The following ARHGAP39 variants were observed in gnomAD, a reference collection of about 807,000 sequenced individuals.
The protein encoded by ARHGAP39 is Rho GTPase activating protein 39, also known as rho GTPase-activating protein 39.
Under a neutral mutation model 106.9 loss-of-function variants are expected in ARHGAP39, and 44 were observed. That is an observed-to-expected ratio of 0.41 (90% CI 0.32 to 0.53). ARHGAP39 has a LOEUF of 0.53. Among genes scored for constraint, ARHGAP39 ranks in the 20% least tolerant of loss-of-function variants. The pLI is 0.21. For synonymous variants in ARHGAP39, 768 were observed against 693.2 expected (o/e 1.11, Z -1.69); for missense variants, 1,496 against 1,577.3 (o/e 0.95, Z 0.87).
chr8:144,695,028 T>C, the ARHGAP39 span, among the ~76,000 whole-genome samples: 1 of 151,276 alleles, frequency 6.6e-6, no homozygotes, highest in East Asian at 2.0e-4. Context: ...TTCATGTTTA[T>C]TGGCCATTTG....
intron 9 of ARHGAP39, among the ~76,000 whole-genome samples, chr8:144,532,639 C>T (rs111825321): frequency 0.028 from 4,209 of 152,252 alleles, 189 homozygotes; most frequent in African/African-American, 0.097. Flanking sequence ...CTCCCTGGAC[C>T]CCTGCTGGCT....
At chr8:144,700,017 G>A in the ARHGAP39 span, among the ~76,000 whole-genome samples, 2 of 152,174 alleles carry the variant, frequency 1.3e-5, no homozygotes, top group Non-Finnish European at 2.9e-5. The surrounding 1 kb of genome is among the most constrained non-coding windows in gnomAD (Gnocchi z 5.6). Context: ...TGCCAGTGGT[G>A]CAAACAGTCG....
chr8:144,603,052 TGA>T (rs1311156108), intron 2 of ARHGAP39, among the ~76,000 whole-genome samples: 2 of 129,732 alleles, frequency 1.5e-5, no homozygotes, highest in African/African-American at 5.9e-5. Flanking sequence ...GGCGTGTGTG[TGA>T]GCTCGTGTAC....
intron 1 of ARHGAP39, among the ~76,000 whole-genome samples, chr8:144,620,466 C>T (rs933281538): frequency 2.4e-5 from 3 of 122,704 alleles, no homozygotes; most frequent in Non-Finnish European, 1.7e-5. Flanking sequence ...TCCAAGGGAG[C>T]GTGTGTGCCC....
chr8:144,571,391 G>A (rs538673317), intron 3 of ARHGAP39, among the ~76,000 whole-genome samples: 14 of 152,094 alleles, frequency 9.2e-5, no homozygotes, highest in African/African-American at 3.1e-4. Flanking sequence ...TAAAAACCAC[G>A]ATTATCTCAA....
In ARHGAP39 at chr8:144,631,707, C is replaced by A. The variant is rs535679256; in HGVS notation, c.-81-26012G>T. On this transcript the variant is annotated intron_variant, in intron 1 of 11. Coordinates refer to ENST00000377307, the MANE Select transcript of ARHGAP39 (RefSeq NM_025251.3). ...CTGGGTCTCCCTTGGCAGTTGGATCCCCCAAAGAAACCTGTGCAGAGGGAA... is the reference window on the plus strand; with the variant it reads ...CTGGGTCTCCCTTGGCAGTTGGATCACCCAAAGAAACCTGTGCAGAGGGAA... Among the ~76,000 whole-genome samples, 4 of 152,330 alleles carry A rather than the reference C, an allele frequency of 2.6e-5. No individual in the cohort carries two copies. In the East Asian group the frequency reaches 7.7e-4, roughly 29 times the overall value.
rs747200032 is a variant in ARHGAP39, at chr8:144,605,682, G to A, written c.-68C>T. On this transcript the variant is annotated 5_prime_UTR_variant, in exon 2 of 12. Transcript: ENST00000377307. ...CATACGCACAACGCCAGCATCAGAC[G>A]GGAAGGTGCCGCACTGCAAGAGGGG... 1.3e-5 allele frequency: 19 copies of A among 1,519,638 alleles called. No homozygotes were observed. The highest frequency in any genetic ancestry group is 1.6e-5 in the Non-Finnish European group (18 of 1,103,394). The allele number at this position is 1,519,638 out of a possible 1,614,324, so 94.1% of individuals were successfully genotyped here.
At chr8:144,695,550 C>G in the ARHGAP39 span, among the ~76,000 whole-genome samples, 3 of 152,044 alleles carry the variant, frequency 2.0e-5, no homozygotes, top group African/African-American at 4.8e-5. Context: ...AAACGCCACA[C>G]TTTGAGACGA....
Position 144,561,959 on chromosome 8 carries a change from C to T in ARHGAP39, c.513-6316G>A, listed in dbSNP as rs200981576. 1.1e-4 allele frequency among the ~76,000 whole-genome samples: 16 copies of T among 151,274 alleles called. No homozygotes were observed. The East Asian group carries it at 1.2e-3, about 11-fold the overall frequency. On this transcript the variant is annotated intron_variant, in intron 3 of 11. Coordinates refer to ENST00000377307, the MANE Select transcript of ARHGAP39 (RefSeq NM_025251.3). ...TCCATCACACTCCAGTGGTTTCCAT[C>T]GGACTCCAGTGGTTTCCATCGGACC...
At chr8:144,654,828 G>A (rs1163848595) in intron 1 of ARHGAP39, among the ~76,000 whole-genome samples, 1 of 151,946 alleles carries the variant, frequency 6.6e-6, no homozygotes, top group Non-Finnish European at 1.5e-5. Flanking sequence ...GTTCTTGGGT[G>A]GCTGGGAGCA....
chr8:144,628,729 C>T (rs947967923), intron 1 of ARHGAP39, among the ~76,000 whole-genome samples: 4 of 152,216 alleles, frequency 2.6e-5, no homozygotes, highest in African/African-American at 9.6e-5. Context: ...GGCCAAAGAA[C>T]TACCCCAGGC....
chr8:144,582,097 C>T (rs377392027), intron 2 of ARHGAP39, among the ~76,000 whole-genome samples: 5 of 152,170 alleles, frequency 3.3e-5, no homozygotes, highest in African/African-American at 1.2e-4. Context: ...TGAGGGGTCT[C>T]GTTTCCAGGG....
intron 2 of ARHGAP39, among the ~76,000 whole-genome samples, chr8:144,597,018 T>C (rs1180211243): frequency 6.6e-6 from 1 of 152,144 alleles, no homozygotes; most frequent in Admixed American, 6.5e-5. Context: ...AGGCCATGGC[T>C]TCTCACACCA....
At chr8:144,662,619 G>C (rs1351030346) in intron 1 of ARHGAP39, among the ~76,000 whole-genome samples, 1 of 145,190 alleles carries the variant, frequency 6.9e-6, no homozygotes, top group African/African-American at 2.6e-5. Context: ...ATCCACCTTG[G>C]GCCGCTCCCC....
Position 144,587,231 on chromosome 8 carries a change from G to A in ARHGAP39, c.81-5954C>T, listed in dbSNP as rs557194672. On this transcript the variant is annotated intron_variant, in intron 2 of 11. Transcript: ENST00000377307. ...GCCTTTAGTTGCAGCATGAGAACAG[G>A]CTAATACAGGCATCAAATAAGAAGT... Among the ~76,000 whole-genome samples the A allele has an allele frequency of 5.3e-5, 8 of 152,298 alleles. No individual in the cohort carries two copies. In the East Asian group the frequency reaches 5.8e-4, roughly 11 times the overall value.
intron 2 of ARHGAP39, among the ~76,000 whole-genome samples, chr8:144,602,745 CGT>C (rs561214710): frequency 8.9e-4 from 101 of 113,378 alleles, no homozygotes; most frequent in Middle Eastern, 7.8e-3. Flanking sequence ...TGCATGGAGG[CGT>C]GTGTGTGAGC....
chr8:144,663,089 C>T (rs1395050131), intron 1 of ARHGAP39, among the ~76,000 whole-genome samples: 1 of 135,056 alleles, frequency 7.4e-6, no homozygotes, highest in Non-Finnish European at 1.6e-5. Context: ...TTGGACTGCT[C>T]CCTCCTCCCC....
chr8:144,532,527 C>G (rs1816771206), intron 9 of ARHGAP39, 131 bp from the exon 10 acceptor site: 1 of 742,594 alleles, frequency 1.3e-6, no homozygotes, highest in Admixed American at 2.5e-5. Context: ...CCCCCGCCAC[C>G]CCGGTTGGCC....
At chr8:144,587,259 C>A (rs970172795) in intron 2 of ARHGAP39, among the ~76,000 whole-genome samples, 4 of 152,198 alleles carry the variant, frequency 2.6e-5, no homozygotes, top group African/African-American at 9.7e-5. Flanking sequence ...TAAGAAGTGA[C>A]AGCCAGGTAA....
Sources: gnomAD v4.1 joint callset for allele counts (sites outside exome capture counted in the v4.1 genomes callset) on GRCh38, gnomAD v4.1.1 for gene constraint, Gnocchi (gnomAD v3.1) non-coding constraint, MANE v1.5 for transcripts, NCBI Gene and HGNC (gene_info 2026-07-23, HGNC 2026-07-21) for gene names.